RPL6: variants seen among roughly 807,000 people sequenced by gnomAD.
RPL6 encodes the protein ribosomal protein L6.
Under a neutral mutation model 32.1 loss-of-function variants are expected in RPL6, and 1 was observed. The ratio of observed to expected loss-of-function variants is 0.03; its 90% CI spans 0.01 to 0.15. RPL6 has a LOEUF of 0.15. RPL6 is among the 10% of genes least tolerant of loss of function. The probability of loss-of-function intolerance (pLI) is 1.00; values close to 1 mark genes in which losing one functional copy is unlikely to be tolerated. For synonymous variants in RPL6, 126 were observed against 131.6 expected (o/e 0.96, Z 0.29); for missense variants, 275 against 354.6 (o/e 0.78, Z 1.80).
intron 3 of RPL6, chr12:112,407,616 ATTACAT>A (rs2037211365): frequency 6.5e-6 from 1 of 152,996 alleles, no homozygotes; most frequent in Non-Finnish European, 1.5e-5. Flanking sequence ...AAATCCTGAG[ATTACAT>A]TGGGTCTTGT....
At chr12:112,417,557 C>T (rs577998165) in intron 1 of RPL6, among the ~76,000 whole-genome samples, 2 of 138,254 alleles carry the variant, frequency 1.4e-5, no homozygotes, top group African/African-American at 5.6e-5. Flanking sequence ...CCACCCGGCC[C>T]GGCTTTTTTT....
intron 4 of RPL6, 24 bp downstream of exon 4, chr12:112,406,723 C>T (rs748145565): frequency 2.9e-5 from 46 of 1,612,270 alleles, no homozygotes; most frequent in Admixed American, 5.0e-5. Flanking sequence ...TGCAGTGAAG[C>T]GCCCCAAGCA....
chr12:112,417,449 C>CA (rs2037428134), intron 1 of RPL6, among the ~76,000 whole-genome samples: 1 of 151,748 alleles, frequency 6.6e-6, no homozygotes, highest in African/African-American at 2.4e-5. Context: ...ATTCCCAGAC[C>CA]AGAATACTAT....
chr12:112,405,488 AT>A (rs756681985), intron 6 of RPL6, 112 bp from the exon 7 acceptor site: 11 of 1,094,200 alleles, frequency 1.0e-5, no homozygotes, highest in Non-Finnish European at 1.5e-5. Context: ...TTTAGAAAAC[AT>A]TAAAGACAAT....
chr12:112,406,938 T>G, intron 3 of RPL6, 48 bp from the exon 4 acceptor site: 1 of 1,601,800 alleles, frequency 6.2e-7, no homozygotes, highest in Non-Finnish European at 8.5e-7. Flanking sequence ...CCATTCAGAT[T>G]ACTAGAAGCA....
Position 112,406,013 on chromosome 12 carries a change from G to C in RPL6, c.554C>G (p.Pro185Arg). ...AAATTTCTGGTGTGTTCTTCGTAGA[G>C]GAACTCGATTGAGGACCAGAGGTCC... is the stretch of plus-strand genomic sequence containing the variant. Reference protein sequence around the residue: ...VTGPLVLNRVPLRRTHQKFVI... With the variant: ...VTGPLVLNRVRLRRTHQKFVI... The change falls in exon 6 of 7, where the codon CCT (proline) becomes CGT (arginine). Residue 185 changes from proline (P) to arginine (R), a missense_variant. Physicochemically the swap from Pro to Arg is moderately radical, Grantham distance 103. Transcript: ENST00000202773. 1 of 1,613,450 alleles carries C rather than the reference G, an allele frequency of 6.2e-7. No individual in the cohort carries two copies. The highest frequency in any genetic ancestry group is 8.5e-7 in the Non-Finnish European group (1 of 1,179,768).
Position 112,408,355 on chromosome 12 carries a change from G to A in RPL6, c.238-17C>T, listed in dbSNP as rs775744201. ...CTTTTCAACCTACAAGGACACAAAT[G>A]CATCAACAGTAAGAGAATGCCAATT... On this transcript the variant is annotated splice_polypyrimidine_tract_variant and intron_variant, in intron 2 of 6. Transcript: ENST00000202773. The A allele has an allele frequency of 2.5e-6, 4 of 1,613,186 alleles. No homozygotes were observed. The highest frequency in any genetic ancestry group is 1.7e-5 in the Admixed American group (1 of 59,992).
rs966238533 is a variant in RPL6, at chr12:112,409,576, G to A, written c.-1+11C>T. 16 of 398,462 alleles carry A rather than the reference G, an allele frequency of 4.0e-5. No individual in the cohort carries two copies. Among genetic ancestry groups the A allele is most frequent in the African/African-American group, 1.4e-4 (7 of 48,610 alleles). The allele number at this position is 398,462 out of a possible 1,614,324, so 24.7% of individuals were successfully genotyped here. A position where few individuals can be genotyped will look rare whatever the true frequency, so the allele number is the denominator to read the frequency against. On this transcript the variant is annotated intron_variant, in intron 1 of 6. Transcript: ENST00000202773. Reference sequence around the variant, plus strand: ...GAACTCAAGTCTTGCAGACAGGCCCGCGATTCTTACCTTGCAAGATGGGAA... The same window carrying A: ...GAACTCAAGTCTTGCAGACAGGCCCACGATTCTTACCTTGCAAGATGGGAA...
upstream of RPL6, among the ~76,000 whole-genome samples, chr12:112,412,171 C>G (rs1460633787): frequency 1.3e-5 from 2 of 152,142 alleles, no homozygotes; most frequent in Admixed American, 6.6e-5. Flanking sequence ...TCCCGAGTAG[C>G]TGGGACTACA....
At chr12:112,414,845 C>T (rs1173279295), upstream of RPL6, among the ~76,000 whole-genome samples, 1 of 151,656 alleles carries the variant, frequency 6.6e-6, no homozygotes, top group Non-Finnish European at 1.5e-5. Flanking sequence ...GCGGTGCTTG[C>T]AGTGAGTCGA....
Position 112,406,300 on chromosome 12 carries a change from C to A in RPL6, c.523G>T (p.Val175Leu). Residue 175 changes from valine to leucine, a missense_variant, in exon 5 of 7, where the codon GTG (valine) becomes TTG (leucine). By Grantham distance (32) the Val-to-Leu change is conservative (BLOSUM62 1). Transcript: ENST00000202773. ...LKQLASGLLL[V>L]TGPLVLNRVP... ...AATCCAAGGATTTTCTTACCAGTCACAAGTAATAAGCCACTAGCCAGCTGC... is the reference window on the plus strand; with the variant it reads ...AATCCAAGGATTTTCTTACCAGTCAAAAGTAATAAGCCACTAGCCAGCTGC... 6.2e-7 allele frequency: 1 copy of A among 1,612,904 alleles called. No homozygotes were observed. Among genetic ancestry groups the A allele is most frequent in the Non-Finnish European group, 8.5e-7 (1 of 1,179,014 alleles).
upstream of RPL6, among the ~76,000 whole-genome samples, chr12:112,410,155 A>G (rs992043304): frequency 3.3e-5 from 5 of 152,152 alleles, no homozygotes; most frequent in Non-Finnish European, 7.4e-5. Flanking sequence ...AAAAAAAAGA[A>G]AAAAAGAAAA....
chr12:112,411,712 C>T (rs2037343053), upstream of RPL6, among the ~76,000 whole-genome samples: 1 of 152,134 alleles, frequency 6.6e-6, no homozygotes, highest in Non-Finnish European at 1.5e-5. Context: ...TGAACCCCCT[C>T]TTGTGTTTTG....
At position 112,407,887 on chromosome 12, in the gene RPL6, T is replaced by C. The variant is rs1594106566; in HGVS notation, c.336+353A>G. ...GGACTACAGGCACGCAACCAGCTAA[T>C]TTGTATATTTTTACTAGAGATGTGG... On this transcript the variant is annotated intron_variant, in intron 3 of 6. Coordinates refer to ENST00000202773, the MANE Select transcript of RPL6 (RefSeq NM_000970.6). 4 of 209,438 alleles carry C rather than the reference T, an allele frequency of 1.9e-5. No individual in the cohort carries two copies. In the South Asian group the frequency reaches 2.8e-4, roughly 14 times the overall value. 13.0% of individuals were successfully genotyped at this position (209,438 alleles called of 1,614,324 possible).
intron 1 of RPL6, chr12:112,409,216 T>C: frequency 2.7e-6 from 1 of 368,452 alleles, no homozygotes; most frequent in Non-Finnish European, 4.8e-6. Context: ...TTGGCTTCAG[T>C]GCGGAACCCC....
upstream of RPL6, among the ~76,000 whole-genome samples, chr12:112,415,029 G>T (rs1251521996): frequency 6.6e-6 from 1 of 152,182 alleles, no homozygotes; most frequent in East Asian, 1.9e-4. Flanking sequence ...CATCTGACCT[G>T]CACTAGAGAA....
upstream of RPL6, among the ~76,000 whole-genome samples, chr12:112,412,286 G>A (rs769624172): frequency 2.0e-5 from 3 of 151,858 alleles, no homozygotes; most frequent in Non-Finnish European, 2.9e-5. Context: ...TGATCTGCCC[G>A]CCTCGACCTC....
intron 1 of RPL6, among the ~76,000 whole-genome samples, chr12:112,415,866 GA>G (rs1212534649): frequency 3.4e-5 from 5 of 148,138 alleles, no homozygotes; most frequent in Non-Finnish European, 7.4e-5. Context: ...CATCCAGGGG[GA>G]TAAACCTTTT....
chr12:112,415,041 C>A (rs569119293), upstream of RPL6, among the ~76,000 whole-genome samples: 2 of 152,134 alleles, frequency 1.3e-5, no homozygotes, highest in Admixed American at 1.3e-4. Flanking sequence ...ACTAGAGAAT[C>A]GGGTGAGGCT....
Sources: allele counts gnomAD v4.1 joint callset (sites outside exome capture counted in the v4.1 genomes callset), GRCh38; gene constraint gnomAD v4.1.1; transcripts MANE v1.5; gene names NCBI Gene and HGNC (gene_info 2026-07-23, HGNC 2026-07-21).